The following FSTL5 variants were observed in gnomAD, a reference collection of about 807,000 sequenced individuals.
The protein encoded by FSTL5 is follistatin-related protein 5.
A neutral mutation model predicts 89.1 loss-of-function variants in FSTL5; 62 were observed. That is an observed-to-expected ratio of 0.70 (90% CI 0.57 to 0.86). The LOEUF is 0.86. FSTL5 is among the 40% of genes least tolerant of loss of function. The pLI, the probability that FSTL5 is intolerant of heterozygous loss-of-function variation, is 0.00. For missense variants in FSTL5, 1,057 were observed against 1,001.6 expected (o/e 1.06, Z -0.75); for synonymous variants, 383 against 346.2 (o/e 1.11, Z -1.18).
At chr4:161,673,055 T>A (rs765524796) in intron 6 of FSTL5, among the ~76,000 whole-genome samples, 4 of 151,806 alleles carry the variant, frequency 2.6e-5, no homozygotes, top group African/African-American at 9.6e-5. Flanking sequence ...GGGCAATTTA[T>A]CTTTATCATT....
chr4:161,630,738 T>C (rs1433722565), intron 7 of FSTL5, among the ~76,000 whole-genome samples: 1 of 152,156 alleles, frequency 6.6e-6, no homozygotes, highest in Non-Finnish European at 1.5e-5. Context: ...ATATTACGAT[T>C]CCAACAGAAA....
At chr4:161,764,855 C>T (rs1049397937) in intron 5 of FSTL5, among the ~76,000 whole-genome samples, 4 of 152,064 alleles carry the variant, frequency 2.6e-5, no homozygotes, top group Non-Finnish European at 4.4e-5. Flanking sequence ...TATTTTAAAG[C>T]CTAAATGTTA....
At chr4:162,119,345 C>T (rs1731770418) in intron 1 of FSTL5, among the ~76,000 whole-genome samples, 1 of 152,070 alleles carries the variant, frequency 6.6e-6, no homozygotes, top group Non-Finnish European at 1.5e-5. Context: ...GAAGAGGGAA[C>T]ATTTCACTTA....
chr4:161,606,240 A>ATTT (rs71598720), intron 7 of FSTL5, among the ~76,000 whole-genome samples: 21,506 of 117,024 alleles, frequency 0.18, 2,957 homozygotes, highest in Non-Finnish European at 0.27. Flanking sequence ...ATTATCTGTG[A>ATTT]TTTTTTTTTT....
At chr4:161,570,130 G>C (rs1005085657) in intron 8 of FSTL5, among the ~76,000 whole-genome samples, 1 of 152,134 alleles carries the variant, frequency 6.6e-6, no homozygotes, top group Non-Finnish European at 1.5e-5. Context: ...AGTGTGTAGA[G>C]TATTTTAGGC....
intron 2 of FSTL5, among the ~76,000 whole-genome samples, chr4:162,073,419 TTAAA>T (rs935148106): frequency 2.2e-4 from 34 of 151,800 alleles, no homozygotes; most frequent in Admixed American, 7.9e-4. Context: ...GTAAAGTTTT[TTAAA>T]TAAAGTCAAA....
At chr4:161,789,555 C>A (rs944076299) in intron 4 of FSTL5, among the ~76,000 whole-genome samples, 1 of 152,178 alleles carries the variant, frequency 6.6e-6, no homozygotes, top group Non-Finnish European at 1.5e-5. Context: ...AAGTTCATTA[C>A]CACAATTATT....
intron 6 of FSTL5, among the ~76,000 whole-genome samples, chr4:161,752,121 T>C (rs1363876532): frequency 6.6e-6 from 1 of 152,096 alleles, no homozygotes; most frequent in East Asian, 1.9e-4. Context: ...ATAGCAGAGA[T>C]ACAAAATAGT....
At chr4:161,628,770 AT>A (rs991467771) in intron 7 of FSTL5, among the ~76,000 whole-genome samples, 1 of 152,022 alleles carries the variant, frequency 6.6e-6, no homozygotes, top group African/African-American at 2.4e-5. Context: ...CTTGATCACA[AT>A]TTTTCACTTG....
At chr4:161,805,459 G>A (rs13123726) in intron 4 of FSTL5, among the ~76,000 whole-genome samples, 4 of 151,998 alleles carry the variant, frequency 2.6e-5, no homozygotes, top group Middle Eastern at 3.4e-3. Flanking sequence ...TAAAAGAGAC[G>A]CATCTTAGAG....
chr4:161,722,277 C>T (rs985884700), intron 6 of FSTL5, among the ~76,000 whole-genome samples: 7 of 152,076 alleles, frequency 4.6e-5, no homozygotes, highest in Non-Finnish European at 1.5e-5. Flanking sequence ...AAACCTCTTA[C>T]ATCTATTTGT....
intron 15 of FSTL5, among the ~76,000 whole-genome samples, chr4:161,415,437 T>C (rs1731738594): frequency 6.6e-6 from 1 of 152,102 alleles, no homozygotes; most frequent in African/African-American, 2.4e-5. Flanking sequence ...TGTAGATTTG[T>C]AGAGATGGTG....
At chr4:161,436,627 T>A (rs1274353191) in intron 15 of FSTL5, among the ~76,000 whole-genome samples, 3 of 152,186 alleles carry the variant, frequency 2.0e-5, no homozygotes, top group African/African-American at 7.2e-5. Context: ...TGTTTATGTA[T>A]TAAGCCATTT....
At chr4:161,768,448 G>C (rs1368174061) in intron 5 of FSTL5, among the ~76,000 whole-genome samples, 1 of 151,942 alleles carries the variant, frequency 6.6e-6, no homozygotes, top group Non-Finnish European at 1.5e-5. Flanking sequence ...CCCAGGAAAA[G>C]TACAGAAATT....
At chr4:161,948,485 CTTTTTTTTT>C (rs35577056) in intron 3 of FSTL5, among the ~76,000 whole-genome samples, 1 of 114,114 alleles carries the variant, frequency 8.8e-6, no homozygotes, top group African/African-American at 3.3e-5. Flanking sequence ...TCTTTTCTTT[CTTTTTTTTT>C]TTTTTTTTTG....
rs1402661576 is a variant in FSTL5, at chr4:161,455,178, G to C, written c.1717-50C>G. ...ACCTCAACAATGCAGTCACTTCATA[G>C]TATAAGCTTTAATTTTATTTAGAGA... is the stretch of plus-strand genomic sequence containing the variant. On this transcript the variant is annotated intron_variant, in intron 14 of 15. Coordinates refer to ENST00000306100, the MANE Select transcript of FSTL5 (RefSeq NM_020116.5). 6 of 1,427,380 alleles carry C rather than the reference G, an allele frequency of 4.2e-6. No individual in the cohort carries two copies. The African/African-American group carries it at 5.9e-5, about 14-fold the overall frequency. 88.4% of individuals were successfully genotyped at this position (1,427,380 alleles called of 1,614,324 possible). A position where few individuals can be genotyped will look rare whatever the true frequency, so the allele number is the denominator to read the frequency against.
chr4:161,927,360 AT>A (rs34065984), intron 3 of FSTL5, among the ~76,000 whole-genome samples: 1 of 151,514 alleles, frequency 6.6e-6, no homozygotes, highest in Non-Finnish European at 1.5e-5. Flanking sequence ...TGAGAAAGGC[AT>A]TTTTTGCAAT....
chr4:161,525,725 T>G lies in FSTL5; in HGVS notation c.1312+12441A>C, dbSNP rs532058988. 2.0e-5 allele frequency among the ~76,000 whole-genome samples: 3 copies of G among 152,312 alleles called. No individual in the cohort carries two copies. The South Asian group carries it at 6.2e-4, about 32-fold the overall frequency. The stretch of plus-strand genomic sequence containing the variant: ...TTAACTCTAACAGATAATGTCAACA[T>G]GCTTTCCAAAGGGCAGTAAAACGAA... On this transcript the variant is annotated intron_variant, in intron 10 of 15. Transcript: ENST00000306100.
At chr4:161,485,863 C>T (rs80242683) in intron 12 of FSTL5, among the ~76,000 whole-genome samples, 2,591 of 152,108 alleles carry the variant, frequency 0.017, 86 homozygotes, top group African/African-American at 0.058. Context: ...TGAGGCCGGG[C>T]GCAGCAGCTT....
Sources: allele counts gnomAD v4.1 joint callset (sites outside exome capture counted in the v4.1 genomes callset), GRCh38; gene constraint gnomAD v4.1.1; transcripts MANE v1.5; gene names NCBI Gene and HGNC (gene_info 2026-07-23, HGNC 2026-07-21).